Variants in ARHGEF12 observed in about 807,000 individuals in gnomAD.
ARHGEF12 encodes the protein KMT2A/ARHGEF12 fusion protein.
Under a neutral mutation model 211.2 loss-of-function variants are expected in ARHGEF12, and 66 were observed. The observed-to-expected ratio is 0.31, with a 90% CI of 0.26 to 0.38. The LOEUF is 0.38. Ranked by LOEUF, ARHGEF12 falls within the 10% of genes least tolerant of loss-of-function variation. The pLI, the probability that ARHGEF12 is intolerant of heterozygous loss-of-function variation, is 1.00. For missense variants in ARHGEF12, 1,429 were observed against 1,869.5 expected, an observed-to-expected ratio of 0.76 and a Z score of 4.34; for synonymous variants, 592 against 638.4, an observed-to-expected ratio of 0.93 and a Z score of 1.09.
chr11:120,386,376 G>A (rs548217740), intron 1 of ARHGEF12, among the ~76,000 whole-genome samples: 1 of 152,106 alleles, frequency 6.6e-6, no homozygotes, highest in African/African-American at 2.4e-5. Flanking sequence ...ACATTAAAAA[G>A]CATTTAAGTG....
chr11:120,369,002 A>C (rs1943512074), intron 1 of ARHGEF12, among the ~76,000 whole-genome samples: 1 of 152,102 alleles, frequency 6.6e-6, no homozygotes, highest in Non-Finnish European at 1.5e-5. Flanking sequence ...ATAGGTGGTC[A>C]TTCTTTAGGT....
At chr11:120,432,474 A>G (rs1591584618) in intron 11 of ARHGEF12, among the ~76,000 whole-genome samples, 1 of 152,224 alleles carries the variant, frequency 6.6e-6, no homozygotes, top group South Asian at 2.1e-4. Flanking sequence ...AGACATATGA[A>G]TACCTAAAAG....
At position 120,478,145 on chromosome 11, in the gene ARHGEF12, C is replaced by T. The variant is rs770075205; in HGVS notation, c.3533-11C>T. 2 of 1,582,956 alleles carry T rather than the reference C, an allele frequency of 1.3e-6. No individual in the cohort carries two copies. The highest frequency in any genetic ancestry group is 2.2e-5 in the South Asian group (2 of 89,896). On this transcript the variant is annotated splice_polypyrimidine_tract_variant and intron_variant, in intron 36 of 40. Coordinates refer to ENST00000397843, the MANE Select transcript of ARHGEF12 (RefSeq NM_015313.3). ...TTAGATATAGTCTACCTTTTCTATT[C>T]CATTGGACAGACAGAGATTTGGGAT...
intron 40 of ARHGEF12, 47 bp downstream of exon 40, chr11:120,484,554 C>A: frequency 6.8e-7 from 1 of 1,464,774 alleles, no homozygotes; most frequent in Non-Finnish European, 9.5e-7. Flanking sequence ...TCATCCTACA[C>A]TGAATGAAAT....
At chr11:120,453,742 C>T (rs989543455) in intron 22 of ARHGEF12, among the ~76,000 whole-genome samples, 1 of 152,054 alleles carries the variant, frequency 6.6e-6, no homozygotes, top group African/African-American at 2.4e-5. Context: ...CAGAGAACCA[C>T]AAGATAAAAC....
chr11:120,447,741 A>G, intron 18 of ARHGEF12, 133 bp from the exon 19 acceptor site: 1 of 579,266 alleles, frequency 1.7e-6, no homozygotes, highest in Non-Finnish European at 3.0e-6. Flanking sequence ...ACTTGCGCCC[A>G]GGAGGCGGAG....
Position 120,424,373 on chromosome 11 carries a change from G to A in ARHGEF12, c.364G>A (p.Val122Met). Residue 122 changes from valine to methionine, a missense_variant, in exon 7 of 41, where the codon GTG becomes ATG. Val to Met is a conservative substitution (Grantham distance 21). Coordinates refer to ENST00000397843, the MANE Select transcript of ARHGEF12 (RefSeq NM_015313.3). The part of the protein sequence containing the change: ...DRIIKVNGTL[V>M]THSNHLEVVK... ...TTTCTTACAGGTGAATGGAACTCTG[G>A]TGACTCATTCAAATCATCTGGAGGT... The A allele has an allele frequency of 6.2e-7, 1 of 1,613,014 alleles. No individual in the cohort carries two copies. Among genetic ancestry groups the A allele is most frequent in the Non-Finnish European group, 8.5e-7 (1 of 1,179,398 alleles).
intron 22 of ARHGEF12, among the ~76,000 whole-genome samples, chr11:120,455,077 G>C (rs182573697): frequency 2.0e-4 from 31 of 152,294 alleles, no homozygotes; most frequent in African/African-American, 6.5e-4. Context: ...ATATTTTAGA[G>C]TGTACATCAG....
chr11:120,418,078 T>C (rs1945082208), intron 4 of ARHGEF12, among the ~76,000 whole-genome samples: 1 of 152,218 alleles, frequency 6.6e-6, no homozygotes, highest in Admixed American at 6.5e-5. Flanking sequence ...AGGTAAAATT[T>C]ACATAAAATA....
Position 120,487,373 on chromosome 11 carries a change from G to A in ARHGEF12, c.*2296G>A, listed in dbSNP as rs147419075. On this transcript the variant is annotated 3_prime_UTR_variant, in exon 41 of 41. Coordinates refer to ENST00000397843, the MANE Select transcript of ARHGEF12 (RefSeq NM_015313.3). ...ATTCATATCTAGATTTTCAAACAAA[G>A]CCCCAAGATGAAGTCTAATTCTGAA... 4.6e-5 allele frequency: 10 copies of A among 218,970 alleles called. No homozygotes were observed. The East Asian group carries it at 6.8e-4, about 15-fold the overall frequency. The allele number at this position is 218,970 out of a possible 1,614,324, so 13.6% of individuals were successfully genotyped here. A position where few individuals can be genotyped will look rare whatever the true frequency, so the allele number is the denominator to read the frequency against.
In ARHGEF12 at chr11:120,347,090, A is replaced by G. The variant is rs559818308; in HGVS notation, c.32+9815A>G. 5.3e-5 allele frequency among the ~76,000 whole-genome samples: 8 copies of G among 152,160 alleles called. No individual in the cohort carries two copies. In the South Asian group the frequency reaches 6.2e-4, roughly 12 times the overall value. ...AGTATTTCTGGAGGAGGCTTACAAC[A>G]GAATGCCATCTACTTTTCCAGCCTC... is the stretch of plus-strand genomic sequence containing the variant. On this transcript the variant is annotated intron_variant, in intron 1 of 40. Coordinates refer to ENST00000397843, the MANE Select transcript of ARHGEF12 (RefSeq NM_015313.3).
chr11:120,420,742 T>C lies in ARHGEF12; in HGVS notation c.200-11T>C, dbSNP rs756290111. The C allele has an allele frequency of 2.5e-6, 4 of 1,611,452 alleles. No individual in the cohort carries two copies. The South Asian group carries it at 4.4e-5, about 18-fold the overall frequency. Reference sequence around the variant, plus strand: ...TCTTCCTTCTTGTTTTACACTGTGGTTCTTGTGCAGGTCTTGTTCAGCGTT... The same window carrying C: ...TCTTCCTTCTTGTTTTACACTGTGGCTCTTGTGCAGGTCTTGTTCAGCGTT... On this transcript the variant is annotated splice_polypyrimidine_tract_variant and intron_variant, in intron 4 of 40. Transcript: ENST00000397843.
intron 1 of ARHGEF12, among the ~76,000 whole-genome samples, chr11:120,396,624 A>G (rs993572143): frequency 1.3e-5 from 2 of 152,236 alleles, no homozygotes; most frequent in African/African-American, 4.8e-5. Flanking sequence ...GTGCTGGAAC[A>G]ATTGGATTTC....
At chr11:120,445,769 A>G (rs1183848011) in intron 16 of ARHGEF12, among the ~76,000 whole-genome samples, 1 of 152,156 alleles carries the variant, frequency 6.6e-6, no homozygotes, top group Non-Finnish European at 1.5e-5. Flanking sequence ...ATGATGGTGC[A>G]TGCCTGTAAT....
In ARHGEF12 at chr11:120,448,239, C is replaced by T. The variant is rs764893833; in HGVS notation, c.1628C>T (p.Thr543Ile). 6.2e-7 allele frequency: 1 copy of T among 1,611,186 alleles called. No individual in the cohort carries two copies. Among genetic ancestry groups the T allele is most frequent in the Non-Finnish European group, 8.5e-7 (1 of 1,177,936 alleles). Residue 543 changes from threonine to isoleucine, a missense_variant, in exon 20 of 41, where the codon ACC becomes ATC. Thr to Ile is a moderately conservative substitution (Grantham distance 89). Transcript: ENST00000397843. ...AQAVEEDKSS[T>I]MQYVILMYMK... ...CTTCGTCCTTTCTCCTCCAGCTCCA[C>T]CATGCAGTATGTTATTCTCATGTAT... is the stretch of plus-strand genomic sequence containing the variant.
intron 1 of ARHGEF12, among the ~76,000 whole-genome samples, chr11:120,371,941 A>T (rs1943600388): frequency 6.6e-6 from 1 of 152,252 alleles, no homozygotes; most frequent in African/African-American, 2.4e-5. Flanking sequence ...AATGACCGTT[A>T]CTAAAAATCT....
intron 39 of ARHGEF12, among the ~76,000 whole-genome samples, chr11:120,483,208 G>A (rs1216267508): frequency 1.3e-5 from 2 of 150,064 alleles, no homozygotes; most frequent in Non-Finnish European, 2.9e-5. Flanking sequence ...GATCAGCAAT[G>A]CCATTATTAA....
chr11:120,356,992 G>A (rs1303049286), intron 1 of ARHGEF12, among the ~76,000 whole-genome samples: 1 of 151,766 alleles, frequency 6.6e-6, no homozygotes, highest in Non-Finnish European at 1.5e-5. Context: ...GTATGAATCT[G>A]TCTGACTTCC....
chr11:120,400,993 GA>G (rs1242511060), intron 1 of ARHGEF12, among the ~76,000 whole-genome samples: 1 of 152,162 alleles, frequency 6.6e-6, no homozygotes, highest in Non-Finnish European at 1.5e-5. Context: ...AACACCATGG[GA>G]AATTCTCCAT....
Sources: allele counts gnomAD v4.1 joint callset (sites outside exome capture counted in the v4.1 genomes callset), GRCh38; gene constraint gnomAD v4.1.1; transcripts MANE v1.5; gene names NCBI Gene and HGNC (gene_info 2026-07-23, HGNC 2026-07-21).